The following ADGRB3 variants were observed in gnomAD, a reference collection of about 807,000 sequenced individuals.
ADGRB3 encodes the protein adhesion G protein-coupled receptor B3.
ADGRB3 carries 37 observed loss-of-function variants against 193.4 expected under a neutral mutation model. The ratio of observed to expected loss-of-function variants is 0.19; its 90% confidence interval spans 0.15 to 0.25. ADGRB3 has a LOEUF of 0.25. Ranked by LOEUF, ADGRB3 falls within the 10% of genes least tolerant of loss-of-function variation. The probability of loss-of-function intolerance (pLI) is 1.00; values close to 1 mark genes in which losing one functional copy is unlikely to be tolerated. For synonymous variants in ADGRB3, 690 were observed against 644.2 expected (o/e 1.07, Z -1.08); for missense variants, 1,637 against 1,852.9 (o/e 0.88, Z 2.14).
At chr6:69,038,350 A>ACT (rs1562131961) in intron 13 of ADGRB3, among the ~76,000 whole-genome samples, 3 of 151,518 alleles carry the variant, frequency 2.0e-5, no homozygotes. Context: ...ACACACACAC[A>ACT]CCACAGTGAG....
chr6:68,890,911 G>C (rs1766058648), intron 3 of ADGRB3, among the ~76,000 whole-genome samples: 1 of 152,206 alleles, frequency 6.6e-6, no homozygotes. Context: ...CTTGAGGATG[G>C]AAATGCATGG....
At chr6:69,069,372 G>A (rs572902703) in intron 16 of ADGRB3, among the ~76,000 whole-genome samples, 1 of 151,510 alleles carries the variant, frequency 6.6e-6, no homozygotes, top group South Asian at 2.1e-4. Flanking sequence ...TGATGGATTT[G>A]ACTGTGGAAA....
At chr6:69,052,608 A>G (rs1185691872) in intron 15 of ADGRB3, among the ~76,000 whole-genome samples, 1 of 152,214 alleles carries the variant, frequency 6.6e-6, no homozygotes, top group African/African-American at 2.4e-5. Flanking sequence ...CTTTGAATAA[A>G]TATAGTTTAG....
rs181582614 is a variant in ADGRB3 at position 69,136,932 on chromosome 6, A to G, written c.2480+60894A>G. ...TACAGGGTCAGTGATGTCATTGAGT[A>G]CAGAACCGATTTCAATCCCTCACTG... On this transcript the variant is annotated intron_variant, in intron 17 of 31. Transcript: ENST00000370598. 6.6e-5 allele frequency among the ~76,000 whole-genome samples: 10 copies of G among 152,264 alleles called. No individual in the cohort carries two copies. In the East Asian group the frequency reaches 1.7e-3, roughly 26 times the overall value.
intron 10 of ADGRB3, among the ~76,000 whole-genome samples, chr6:68,985,489 G>T (rs1313065631): frequency 6.6e-6 from 1 of 152,012 alleles, no homozygotes; most frequent in Non-Finnish European, 1.5e-5. Context: ...TCCTCTTCTG[G>T]GCATATGGGA....
At chr6:69,204,555 C>T (rs1455268638) in intron 17 of ADGRB3, among the ~76,000 whole-genome samples, 1 of 152,026 alleles carries the variant, frequency 6.6e-6, no homozygotes, top group African/African-American at 2.4e-5. Flanking sequence ...TGGGTTTAAA[C>T]CCCACTACTG....
chr6:68,646,846 A>G (rs1768228040), intron 3 of ADGRB3, among the ~76,000 whole-genome samples: 1 of 152,170 alleles, frequency 6.6e-6, no homozygotes. Flanking sequence ...ACATTGGTTT[A>G]AAAACATATC....
intron 3 of ADGRB3, among the ~76,000 whole-genome samples, chr6:68,927,014 A>T (rs1490803973): frequency 6.6e-6 from 1 of 152,188 alleles, no homozygotes; most frequent in African/African-American, 2.4e-5. Context: ...GCACAGTGAA[A>T]GATTGAGAAA....
chr6:69,212,570 T>C (rs62406838), intron 17 of ADGRB3, among the ~76,000 whole-genome samples: 21,412 of 151,516 alleles, frequency 0.14, 1,565 homozygotes, highest in Middle Eastern at 0.16. Flanking sequence ...AACATGACCT[T>C]TTCTTTTATT....
At chr6:69,323,399 A>C (rs914480682) in intron 20 of ADGRB3, among the ~76,000 whole-genome samples, 4 of 152,014 alleles carry the variant, frequency 2.6e-5, no homozygotes, top group Admixed American at 6.6e-5. Flanking sequence ...AAATTGGAAA[A>C]AATAAAAGTC....
rs57616226 is a variant in ADGRB3, at chr6:69,069,553, C to CAAAAAAAA, written c.2437-6421_2437-6414dup. Among the ~76,000 whole-genome samples, 264 of 31,780 alleles carry CAAAAAAAA rather than the reference C, an allele frequency of 8.3e-3. 73 individuals are homozygous for CAAAAAAAA. Among genetic ancestry groups the CAAAAAAAA allele is most frequent in the East Asian group, 0.031 (13 of 420 alleles). The allele number at this position is 31,780 out of a possible 152,430, so 20.8% of individuals were successfully genotyped here. A position where few individuals can be genotyped will look rare whatever the true frequency, so the allele number is the denominator to read the frequency against. ...TGAAACCCCGTCTCTACTAAAAATA[C>CAAAAAAAA]AAAAAAAAAAAAAAAAAAAAAAAAA... On this transcript the variant is annotated intron_variant, in intron 16 of 31. Coordinates refer to ENST00000370598, the MANE Select transcript of ADGRB3 (RefSeq NM_001704.3).
At chr6:68,695,690 G>A (rs900656226) in intron 3 of ADGRB3, among the ~76,000 whole-genome samples, 2 of 151,950 alleles carry the variant, frequency 1.3e-5, no homozygotes, top group Non-Finnish European at 2.9e-5. Flanking sequence ...AGTCCACAGC[G>A]AGTGAGACTT....
rs2585591 is a variant in ADGRB3 at position 68,645,258 on chromosome 6, C to T, written c.757+5826C>T. 9.9e-3 allele frequency among the ~76,000 whole-genome samples: 1,511 copies of T among 151,982 alleles called. 26 individuals are homozygous for T. Among genetic ancestry groups the T allele is most frequent in the African/African-American group, 0.035 (1,437 of 41,418 alleles). On this transcript the variant is annotated intron_variant, in intron 3 of 31. Coordinates refer to ENST00000370598, the MANE Select transcript of ADGRB3 (RefSeq NM_001704.3). Reference sequence around the variant, plus strand: ...TTGCTGTTCCTTATAATGGCTACTACTCTATATTATCACTTTCTTCTTTTC... The same window carrying T: ...TTGCTGTTCCTTATAATGGCTACTATTCTATATTATCACTTTCTTCTTTTC...
chr6:69,202,224 G>T (rs1035068508), intron 17 of ADGRB3, among the ~76,000 whole-genome samples: 1 of 152,072 alleles, frequency 6.6e-6, no homozygotes, highest in Non-Finnish European at 1.5e-5. Context: ...GATGTTTTAG[G>T]TTTCCATTTG....
At chr6:69,175,578 T>A (rs1329789062) in intron 17 of ADGRB3, among the ~76,000 whole-genome samples, 1 of 152,246 alleles carries the variant, frequency 6.6e-6, no homozygotes, top group Admixed American at 6.5e-5. Flanking sequence ...GGTAATGTGA[T>A]GCCTCTGGCT....
chr6:68,787,482 C>G (rs529297439), intron 3 of ADGRB3, among the ~76,000 whole-genome samples: 2 of 152,232 alleles, frequency 1.3e-5, no homozygotes, highest in East Asian at 3.9e-4. Flanking sequence ...TTTGAACCAG[C>G]CTTGCATCCC....
chr6:69,110,712 G>A (rs765381279), intron 17 of ADGRB3, among the ~76,000 whole-genome samples: 6 of 152,172 alleles, frequency 3.9e-5, no homozygotes, highest in African/African-American at 7.2e-5. Flanking sequence ...CATCAGAAGC[G>A]GTGAAGTATA....
At chr6:69,095,782 A>G (rs1451003236) in intron 17 of ADGRB3, among the ~76,000 whole-genome samples, 1 of 152,178 alleles carries the variant, frequency 6.6e-6, no homozygotes, top group African/African-American at 2.4e-5. Flanking sequence ...TCACATGATA[A>G]TACAACATAC....
At chr6:69,339,164 T>C (rs1257016404) in intron 25 of ADGRB3, 150 bp downstream of exon 25, 1 of 1,071,674 alleles carries the variant, frequency 9.3e-7, no homozygotes, top group Non-Finnish European at 1.3e-6. Context: ...ATAGCTATTG[T>C]GGGATAGTAT....
Sources: allele counts gnomAD v4.1 joint callset (sites outside exome capture counted in the v4.1 genomes callset), GRCh38; gene constraint gnomAD v4.1.1; transcripts MANE v1.5; gene names NCBI Gene and HGNC (gene_info 2026-07-23, HGNC 2026-07-21).